Variants in GPC6 observed in about 807,000 individuals in gnomAD.
The protein encoded by GPC6 is glypican-6.
In GPC6, 14 loss-of-function variants were observed where a neutral mutation model predicts 55.2. The observed-to-expected ratio is 0.25, with a 90% CI of 0.17 to 0.40. The LOEUF (loss-of-function observed/expected upper bound fraction) is 0.40, where lower values mean the gene tolerates loss of function less well. Ranked by LOEUF, GPC6 falls within the 10% of genes least tolerant of loss-of-function variation. The probability of loss-of-function intolerance (pLI) is 1.00; values close to 1 mark genes in which losing one functional copy is unlikely to be tolerated. For missense variants in GPC6, 641 were observed against 708.5 expected (o/e 0.90, Z 1.08); for synonymous variants, 278 against 259.6 (o/e 1.07, Z -0.68).
chr13:93,459,713 C>G, intron 1 of GPC6, among the ~76,000 whole-genome samples: 1 of 152,120 alleles, frequency 6.6e-6, no homozygotes, highest in East Asian at 1.9e-4. Context: ...TCTCGATCCT[C>G]CCCTAATTTT....
intron 2 of GPC6, among the ~76,000 whole-genome samples, chr13:93,702,674 G>A (rs1238009640): frequency 6.6e-6 from 1 of 152,000 alleles, no homozygotes; most frequent in East Asian, 1.9e-4. Context: ...AGGTCTCCTA[G>A]ATAACTTGCG....
intron 3 of GPC6, among the ~76,000 whole-genome samples, chr13:93,925,030 A>G (rs1319308331): frequency 6.6e-6 from 1 of 152,172 alleles, no homozygotes; most frequent in African/African-American, 2.4e-5. Flanking sequence ...AAAAGCCAAC[A>G]TATTTAAAAG....
intron 4 of GPC6, among the ~76,000 whole-genome samples, chr13:94,190,328 C>A (rs963082306): frequency 8.6e-5 from 13 of 151,582 alleles, no homozygotes; most frequent in Admixed American, 7.9e-4. Flanking sequence ...AAAAAGTATG[C>A]AGAAAAAATT....
chr13:94,211,414 A>G (rs1890075779), intron 4 of GPC6, among the ~76,000 whole-genome samples: 2 of 152,248 alleles, frequency 1.3e-5, no homozygotes, highest in African/African-American at 4.8e-5. Flanking sequence ...ATAAGAACGT[A>G]AAGAAAAATG....
chr13:93,737,419 T>C (rs540982979), intron 2 of GPC6, among the ~76,000 whole-genome samples: 1 of 152,282 alleles, frequency 6.6e-6, no homozygotes, highest in African/African-American at 2.4e-5. Context: ...TTCTCAAAGG[T>C]ACTTCAATTA....
intron 2 of GPC6, among the ~76,000 whole-genome samples, chr13:93,732,559 T>C (rs1594409718): frequency 6.6e-6 from 1 of 152,192 alleles, no homozygotes; most frequent in African/African-American, 2.4e-5. Flanking sequence ...AAACCAGTTA[T>C]GGCTTCAGCA....
intron 1 of GPC6, among the ~76,000 whole-genome samples, chr13:93,261,374 A>G (rs1877141739): frequency 6.6e-6 from 1 of 152,118 alleles, no homozygotes; most frequent in South Asian, 2.1e-4. Flanking sequence ...CTTCTTAATG[A>G]TGAATCTCTG....
chr13:94,087,159 G>A (rs1885313398), intron 4 of GPC6, among the ~76,000 whole-genome samples: 1 of 152,206 alleles, frequency 6.6e-6, no homozygotes, highest in South Asian at 2.1e-4. Flanking sequence ...ATTTGATGGT[G>A]TTCATACATG....
In GPC6 at chr13:93,990,980, GGAA is replaced by G. The variant is rs1881278511; in HGVS notation, c.712-36747_712-36745del. On this transcript the variant is annotated intron_variant, in intron 3 of 8. Transcript: ENST00000377047. ...AGGAAAGAAGGAAGGAAGGAAGGAAGGAAGGAAGTTAGTTCTCAGTGCGTGAAC... is the reference window on the plus strand; with the variant it reads ...AGGAAAGAAGGAAGGAAGGAAGGAAGGGAAGTTAGTTCTCAGTGCGTGAAC... Among the ~76,000 whole-genome samples the G allele has an allele frequency of 3.3e-5, 5 of 150,788 alleles. No homozygotes were observed. The South Asian group carries it at 1.1e-3, about 32-fold the overall frequency.
chr13:93,739,818 G>A (rs1197261401), intron 2 of GPC6, among the ~76,000 whole-genome samples: 1 of 152,088 alleles, frequency 6.6e-6, no homozygotes, highest in Non-Finnish European at 1.5e-5. Flanking sequence ...GGAAATTACT[G>A]CCTGCATGAA....
chr13:93,897,528 G>A (rs1483706599), intron 3 of GPC6, among the ~76,000 whole-genome samples: 1 of 152,042 alleles, frequency 6.6e-6, no homozygotes, highest in Non-Finnish European at 1.5e-5. Flanking sequence ...TGTAACTACA[G>A]CATATACCAA....
At chr13:93,999,912 T>G (rs533032017) in intron 3 of GPC6, among the ~76,000 whole-genome samples, 5 of 152,184 alleles carry the variant, frequency 3.3e-5, no homozygotes, top group Admixed American at 2.0e-4. Flanking sequence ...GCAATGAAGT[T>G]TCATTTTCTC....
At chr13:94,260,356 G>T (rs1244989571) in intron 4 of GPC6, among the ~76,000 whole-genome samples, 3 of 152,180 alleles carry the variant, frequency 2.0e-5, no homozygotes, top group African/African-American at 7.2e-5. Flanking sequence ...ACCACAGACT[G>T]GAGTGGCTTA....
At chr13:93,883,885 T>C (rs1875154012) in intron 3 of GPC6, among the ~76,000 whole-genome samples, 1 of 152,114 alleles carries the variant, frequency 6.6e-6, no homozygotes, top group Non-Finnish European at 1.5e-5. Context: ...CTAAGCACAG[T>C]GTAAAACAAA....
At chr13:93,783,720 T>C (rs1291241180) in intron 2 of GPC6, among the ~76,000 whole-genome samples, 1 of 152,206 alleles carries the variant, frequency 6.6e-6, no homozygotes, top group Non-Finnish European at 1.5e-5. Flanking sequence ...AACCCCCATC[T>C]TCTCCTACCA....
At chr13:93,678,890 A>G (rs1173957801) in intron 2 of GPC6, among the ~76,000 whole-genome samples, 1 of 152,142 alleles carries the variant, frequency 6.6e-6, no homozygotes, top group Non-Finnish European at 1.5e-5. Context: ...TTGTCTGCAG[A>G]AAAAGAAGGG....
chr13:93,315,759 AT>A (rs66531055), intron 1 of GPC6, among the ~76,000 whole-genome samples: 16 of 150,580 alleles, frequency 1.1e-4, no homozygotes, highest in South Asian at 6.3e-4. Flanking sequence ...GTTTTCTTCA[AT>A]TTTTTTTTAA....
intron 1 of GPC6, among the ~76,000 whole-genome samples, chr13:93,289,970 G>T (rs1878265323): frequency 6.6e-6 from 1 of 152,150 alleles, no homozygotes; most frequent in South Asian, 2.1e-4. Context: ...TTTTCTGTTA[G>T]TATCATCACT....
chr13:93,708,818 C>A (rs1453086581), intron 2 of GPC6, among the ~76,000 whole-genome samples: 6 of 151,664 alleles, frequency 4.0e-5, no homozygotes, highest in Non-Finnish European at 8.8e-5. Context: ...CTAGGGAAAC[C>A]AACTTAGAAA....
Sources: allele counts gnomAD v4.1 joint callset (sites outside exome capture counted in the v4.1 genomes callset), GRCh38; gene constraint gnomAD v4.1.1; transcripts MANE v1.5; gene names NCBI Gene and HGNC (gene_info 2026-07-23, HGNC 2026-07-21).